TRAPPC3L: variants seen among roughly 807,000 people sequenced by gnomAD.
TRAPPC3L encodes the protein trafficking protein particle complex subunit 3-like protein.
In TRAPPC3L, 23 loss-of-function variants were observed where a neutral mutation model predicts 23.7. The ratio of observed to expected loss-of-function variants is 0.97; its 90% CI spans 0.70 to 1.37. The LOEUF is 1.37. Among genes scored for constraint, TRAPPC3L ranks in the 40% most tolerant of loss-of-function variants. TRAPPC3L has a pLI of 0.00. For missense variants in TRAPPC3L, 212 were observed against 216.8 expected (o/e 0.98, Z 0.14); for synonymous variants, 81 against 77.9 (o/e 1.04, Z -0.21).
At position 116,496,494 on chromosome 6, in the gene TRAPPC3L, A is replaced by C. The variant is rs1025041488; in HGVS notation, c.*460T>G. 1.3e-5 allele frequency: 2 copies of C among 152,308 alleles called. No individual in the cohort carries two copies. The highest frequency in any genetic ancestry group is 4.8e-5 in the African/African-American group (2 of 41,472). 9.4% of individuals were successfully genotyped at this position (152,308 alleles called of 1,614,324 possible). A position where few individuals can be genotyped will look rare whatever the true frequency, so the allele number is the denominator to read the frequency against. ...AAAATCAAATCATATTTTTTTAGAA[A>C]TATGGAATTATTTATTTAAGGAATG... On this transcript the variant is annotated 3_prime_UTR_variant, in exon 5 of 5. Coordinates refer to ENST00000368602, the MANE Select transcript of TRAPPC3L (RefSeq NM_001139444.3).
chr6:116,540,720 G>C lies in TRAPPC3L; in HGVS notation c.141-258C>G, dbSNP rs9372465. Among the ~76,000 whole-genome samples, 104,981 of 151,838 alleles carry C rather than the reference G, an allele frequency of 0.69. 36,596 individuals are homozygous for C. The highest frequency in any genetic ancestry group is 0.89 in the East Asian group (4,602 of 5,160). ...TGCCTAGAATCAAGACTTGCCCAAA[G>C]TTGACAATATAAATTAAAATTAAGG... On this transcript the variant is annotated intron_variant, in intron 2 of 4. Transcript: ENST00000368602.
chr6:116,523,969 C>T (rs1018197419), intron 3 of TRAPPC3L: 1 of 152,096 alleles, frequency 6.6e-6, no homozygotes, highest in African/African-American at 2.4e-5. Flanking sequence ...TTTCCAACAA[C>T]CAACTGTAAC....
At chr6:116,540,554 G>A in intron 2 of TRAPPC3L, 92 bp from the exon 3 acceptor site, 1 of 1,289,602 alleles carries the variant, frequency 7.8e-7, no homozygotes, top group South Asian at 1.3e-5. Flanking sequence ...TTTAGCACTT[G>A]TGCAAGTGAA....
chr6:116,511,111 T>TATAC (rs914569721), intron 3 of TRAPPC3L, among the ~76,000 whole-genome samples: 4 of 147,272 alleles, frequency 2.7e-5, no homozygotes, highest in African/African-American at 9.9e-5. Flanking sequence ...TATATGTATA[T>TATAC]ATATATATAT....
chr6:116,543,296 C>A lies in TRAPPC3L; in HGVS notation c.140+7G>T, dbSNP rs1773575150. 15 of 1,541,572 alleles carry A rather than the reference C, an allele frequency of 9.7e-6. No homozygotes were observed. Among genetic ancestry groups the A allele is most frequent in the Non-Finnish European group, 1.1e-5 (13 of 1,140,850 alleles). ...CCATTCAATAAGAATGAAGGACTTC[C>A]ACTTACATTTTATCTAAATATTGGT... On this transcript the variant is annotated splice_region_variant and intron_variant, in intron 2 of 4. Transcript: ENST00000368602.
chr6:116,505,803 C>T (rs1488854629), intron 3 of TRAPPC3L, among the ~76,000 whole-genome samples: 2 of 152,174 alleles, frequency 1.3e-5, no homozygotes, highest in African/African-American at 4.8e-5. Context: ...GTTGGGAAAA[C>T]TGGCTAGCCA....
At chr6:116,527,977 C>T (rs550269270) in intron 3 of TRAPPC3L, among the ~76,000 whole-genome samples, 9 of 152,186 alleles carry the variant, frequency 5.9e-5, no homozygotes, top group Non-Finnish European at 1.2e-4. Context: ...AAAAACTTCT[C>T]CCTTAGAGTA....
rs1422093475 is a variant in TRAPPC3L at position 116,495,366 on chromosome 6, T to G, written c.*1588A>C. ...GATCTCATTCTTCTTTATGGCTGAA[T>G]AGTACTCCATTGTGTATATGTACCA... On this transcript the variant is annotated 3_prime_UTR_variant, in exon 5 of 5. Transcript: ENST00000368602. The G allele has an allele frequency of 6.6e-6, 1 of 152,120 alleles. No homozygotes were observed. Among genetic ancestry groups the G allele is most frequent in the African/African-American group, 2.4e-5 (1 of 41,422 alleles). 9.4% of individuals were successfully genotyped at this position (152,120 alleles called of 1,614,324 possible).
At position 116,544,339 on chromosome 6, in the gene TRAPPC3L, G is replaced by T. The variant is rs558167612; in HGVS notation, c.43-939C>A. Among the ~76,000 whole-genome samples the T allele has an allele frequency of 2.0e-5, 3 of 152,106 alleles. No individual in the cohort carries two copies. In the South Asian group the frequency reaches 6.2e-4, roughly 32 times the overall value. The stretch of plus-strand genomic sequence containing the variant: ...GTGGAATTTCTTCTCTGTCCCTGAT[G>T]GGTGGGCACTATTATATATTGAAAT... On this transcript the variant is annotated intron_variant, in intron 1 of 4. Coordinates refer to ENST00000368602, the MANE Select transcript of TRAPPC3L (RefSeq NM_001139444.3).
At chr6:116,513,456 A>T (rs1005141905) in intron 3 of TRAPPC3L, among the ~76,000 whole-genome samples, 2 of 152,212 alleles carry the variant, frequency 1.3e-5, no homozygotes, top group Non-Finnish European at 2.9e-5. Context: ...CTCAGTCACC[A>T]GGCTCCATTC....
rs1313712076 is a variant in TRAPPC3L at position 116,530,926 on chromosome 6, T to TAC, written c.240+9436_240+9437insGT. The stretch of plus-strand genomic sequence containing the variant: ...TCATATATATATATATATATATATA[T>TAC]ATATATATATATATATATGTTACTA... On this transcript the variant is annotated intron_variant, in intron 3 of 4. Coordinates refer to ENST00000368602, the MANE Select transcript of TRAPPC3L (RefSeq NM_001139444.3). Among the ~76,000 whole-genome samples the TAC allele has an allele frequency of 2.3e-3, 325 of 142,812 alleles. 5 individuals are homozygous for TAC. Among genetic ancestry groups the TAC allele is most frequent in the Middle Eastern group, 0.018 (5 of 272 alleles). 93.7% of individuals were successfully genotyped at this position (142,812 alleles called of 152,430 possible).
intron 3 of TRAPPC3L, among the ~76,000 whole-genome samples, chr6:116,515,148 A>G (rs1772197886): frequency 6.6e-6 from 1 of 152,196 alleles, no homozygotes; most frequent in Admixed American, 6.5e-5. Flanking sequence ...ACAGTAAGTA[A>G]TGACAGAAAA....
In TRAPPC3L at chr6:116,515,698, T is replaced by A. The variant is rs777580142; in HGVS notation, c.241-15032A>T. 3 of 1,613,710 alleles carry A rather than the reference T, an allele frequency of 1.9e-6. No homozygotes were observed. The African/African-American group carries it at 4.0e-5, about 22-fold the overall frequency. ...CTAAAGTTAGCTACCTTCAGCTGAG[T>A]TTTTGGAAGACATATGCACAAAAGG... On this transcript the variant is annotated intron_variant, in intron 3 of 4. Transcript: ENST00000368602.
rs188082301 is a variant in TRAPPC3L at position 116,509,810 on chromosome 6, C to A, written c.241-9144G>T. Among the ~76,000 whole-genome samples the A allele has an allele frequency of 2.6e-5, 4 of 152,064 alleles. No individual in the cohort carries two copies. The East Asian group carries it at 7.7e-4, about 29-fold the overall frequency. ...GACCCAAAAAGCAAATGCAACAAAA[C>A]CAAAAATAAATAAATGGGACCTAAT... is the stretch of plus-strand genomic sequence containing the variant. On this transcript the variant is annotated intron_variant, in intron 3 of 4. Coordinates refer to ENST00000368602, the MANE Select transcript of TRAPPC3L (RefSeq NM_001139444.3).
chr6:116,536,495 CAGTGTA>C (rs1273526573), intron 3 of TRAPPC3L, among the ~76,000 whole-genome samples: 1 of 152,172 alleles, frequency 6.6e-6, no homozygotes, highest in African/African-American at 2.4e-5. Flanking sequence ...GTGCTGAGTG[CAGTGTA>C]AGTTCAGGAA....
chr6:116,511,826 A>C (rs748201414), intron 3 of TRAPPC3L: 10 of 1,614,078 alleles, frequency 6.2e-6, no homozygotes, highest in Non-Finnish European at 8.5e-6. Context: ...GTGCCCCTGC[A>C]GCACTGAGAA....
chr6:116,529,368 A>T lies in TRAPPC3L; in HGVS notation c.240+10995T>A, dbSNP rs188299013. 2.6e-5 allele frequency among the ~76,000 whole-genome samples: 4 copies of T among 152,028 alleles called. No homozygotes were observed. The South Asian group carries it at 8.3e-4, about 31-fold the overall frequency. On this transcript the variant is annotated intron_variant, in intron 3 of 4. Coordinates refer to ENST00000368602, the MANE Select transcript of TRAPPC3L (RefSeq NM_001139444.3). ...ATAAGACAGTGGCGAGATATTAAAAAATTTTAGAATCTTTGTAACTAACAG... is the reference window on the plus strand; with the variant it reads ...ATAAGACAGTGGCGAGATATTAAAATATTTTAGAATCTTTGTAACTAACAG...
At chr6:116,513,003 A>G (rs369113374) in intron 3 of TRAPPC3L, among the ~76,000 whole-genome samples, 3 of 152,322 alleles carry the variant, frequency 2.0e-5, no homozygotes, top group Middle Eastern at 3.4e-3. Context: ...TCATTCCTCC[A>G]GGCACATGAA....
chr6:116,543,995 G>A (rs1773617813), intron 1 of TRAPPC3L: 1 of 845,472 alleles, frequency 1.2e-6, no homozygotes, highest in African/African-American at 1.7e-5. Context: ...AGACAATTTA[G>A]GTTTGGCTTA....
Sources: gnomAD v4.1 joint callset for allele counts (sites outside exome capture counted in the v4.1 genomes callset) on GRCh38, gnomAD v4.1.1 for gene constraint, MANE v1.5 for transcripts, NCBI Gene and HGNC (gene_info 2026-07-23, HGNC 2026-07-21) for gene names.